The following DHX58 variants were observed in gnomAD, a reference collection of about 807,000 sequenced individuals.
DHX58 encodes DExH-box helicase 58, also known as ATP-dependent RNA helicase DHX58.
DHX58 carries 51 observed loss-of-function variants against 65.0 expected under a neutral mutation model. The observed-to-expected ratio is 0.78, with a 90% CI of 0.63 to 0.99. The LOEUF is 0.99. Among genes scored for constraint, DHX58 ranks in the 50% least tolerant of loss-of-function variants. The pLI is 0.00. For synonymous variants in DHX58, 350 were observed against 365.0 expected, an observed-to-expected ratio of 0.96 and a Z score of 0.47; for missense variants, 773 against 891.8, an observed-to-expected ratio of 0.87 and a Z score of 1.70.
chr17:42,103,227 T>A (rs540566705), intron 12 of DHX58: 100 of 237,854 alleles, frequency 4.2e-4, no homozygotes, highest in African/African-American at 2.3e-3. Flanking sequence ...ACATAATGAA[T>A]GGATGGAGGA....
chr17:42,107,735 T>C lies in DHX58; in HGVS notation c.866A>G (p.Asp289Gly). 6.2e-7 allele frequency: 1 copy of C among 1,605,876 alleles called. No homozygotes were observed. Among genetic ancestry groups the C allele is most frequent in the South Asian group, 1.1e-5 (1 of 89,610 alleles). ...VYALHLRRYN[D>G]ALLIHDTVRA... ...GACGGTGTCATGGATGAGCAGCGCG[T>C]CATTGTAGCGCCTCAGGTGAAGCGC... Residue 289 changes from aspartate to glycine, a missense_variant, in exon 8 of 14, where the codon GAC (aspartate) becomes GGC (glycine). Asp to Gly is a moderately conservative substitution (Grantham distance 94). Transcript: ENST00000251642.
Position 42,105,001 on chromosome 17 carries a change from G to A in DHX58, c.1401+17C>T, listed in dbSNP as rs782816831. 2.5e-6 allele frequency: 4 copies of A among 1,612,260 alleles called. No homozygotes were observed. Among genetic ancestry groups the A allele is most frequent in the South Asian group, 2.2e-5 (2 of 91,054 alleles). ...AGGATCCTATAAGGGCGGCTGAGTGGAGGAGGATGTGAGTACCTGGACCAT... is the reference window on the plus strand; with the variant it reads ...AGGATCCTATAAGGGCGGCTGAGTGAAGGAGGATGTGAGTACCTGGACCAT... On this transcript the variant is annotated intron_variant, in intron 10 of 13. Transcript: ENST00000251642.
Position 42,105,716 on chromosome 17 carries a change from T to G in DHX58, c.1251+20A>C. 1 of 1,533,374 alleles carries G rather than the reference T, an allele frequency of 6.5e-7. No individual in the cohort carries two copies. Among genetic ancestry groups the G allele is most frequent in the Non-Finnish European group, 8.8e-7 (1 of 1,142,678 alleles). 95.0% of individuals were successfully genotyped at this position (1,533,374 alleles called of 1,614,324 possible). On this transcript the variant is annotated intron_variant, in intron 9 of 13. Transcript: ENST00000251642. ...TATGGAATCCCTCCCAGCGCCAGCA[T>G]CTTTCCCCGAAGCCCACACCTGGGT...
intron 11 of DHX58, among the ~76,000 whole-genome samples, chr17:42,104,111 T>G (rs2054018014): frequency 6.6e-6 from 1 of 151,792 alleles, no homozygotes; most frequent in Admixed American, 6.6e-5. Context: ...TAATCCCAGC[T>G]ACTCGGGAGG....
Position 42,105,147 on chromosome 17 carries a change from G to A in DHX58, c.1272C>T (p.Ile424=). ...HMTQRDQQEV[I]QKFQDGTLNL... ...TCAGGGTTCCATCTTGGAACTTCTG[G>A]ATCACTTCTTGCTGGTCCCTCTGCA... The change falls in exon 10 of 14, where the codon ATC becomes ATT. Residue 424 remains isoleucine (I), a synonymous_variant. Transcript: ENST00000251642. 1 of 1,613,688 alleles carries A rather than the reference G, an allele frequency of 6.2e-7. No individual in the cohort carries two copies. Among genetic ancestry groups the A allele is most frequent in the South Asian group, 1.1e-5 (1 of 91,036 alleles).
Position 42,111,502 on chromosome 17 carries a change from G to T in DHX58, c.169-5C>A. 1 of 1,613,542 alleles carries T rather than the reference G, an allele frequency of 6.2e-7. No individual in the cohort carries two copies. The highest frequency in any genetic ancestry group is 8.5e-7 in the Non-Finnish European group (1 of 1,179,846). On this transcript the variant is annotated splice_polypyrimidine_tract_variant and splice_region_variant and intron_variant, in intron 3 of 13. Coordinates refer to ENST00000251642, the MANE Select transcript of DHX58 (RefSeq NM_024119.3). Reference sequence around the variant, plus strand: ...ATGCTGGGTCACCAGGTGCACCTGGGGGTGGAGAATGAGCTGGGAAAAGAG... The same window carrying T: ...ATGCTGGGTCACCAGGTGCACCTGGTGGTGGAGAATGAGCTGGGAAAAGAG...
chr17:42,111,542 C>A, intron 3 of DHX58, 45 bp from the exon 4 acceptor site: 1 of 1,607,652 alleles, frequency 6.2e-7, no homozygotes, highest in South Asian at 1.1e-5. Context: ...GAATCTGGGG[C>A]CAGGGGTAGG....
chr17:42,103,323 G>A (rs2054006002), intron 12 of DHX58: 1 of 452,826 alleles, frequency 2.2e-6, no homozygotes, highest in Non-Finnish European at 4.0e-6. Context: ...GAATAGGTAG[G>A]ACCAGAGGGT....
chr17:42,105,742 C>T lies in DHX58; in HGVS notation c.1245G>A (p.Met415Ile). ...GAGNSSQSTH[M>I]TQRDQQEVIQ... Reference sequence around the variant, plus strand: ...CTTTCCCCGAAGCCCACACCTGGGTCATGTGGGTGCTCTGGCTGCTGTTCC... The same window carrying T: ...CTTTCCCCGAAGCCCACACCTGGGTTATGTGGGTGCTCTGGCTGCTGTTCC... Residue 415 changes from methionine to isoleucine, a missense_variant, in exon 9 of 14, where the codon ATG (methionine) becomes ATA (isoleucine). Transcript: ENST00000251642. The T allele has an allele frequency of 1.9e-6, 3 of 1,575,680 alleles. No individual in the cohort carries two copies. Among genetic ancestry groups the T allele is most frequent in the Admixed American group, 1.8e-5 (1 of 55,318 alleles).
Position 42,105,976 on chromosome 17 carries a change from C to G in DHX58, c.1011G>C (p.Glu337Asp). 2 of 1,612,992 alleles carry G rather than the reference C, an allele frequency of 1.2e-6. No homozygotes were observed. Among genetic ancestry groups the G allele is most frequent in the South Asian group, 2.2e-5 (2 of 90,994 alleles). The change falls in exon 9 of 14, where the codon GAG (glutamate) becomes GAC (aspartate). Residue 337 changes from glutamate (E) to aspartate (D), a missense_variant. Glu to Asp is a conservative substitution (Grantham distance 45). Coordinates refer to ENST00000251642, the MANE Select transcript of DHX58 (RefSeq NM_024119.3). Reference sequence around the variant, plus strand: ...GGCCATGAGTTGCCAAGTGGGCCAGCTCATTCTTGCGGTCTGTCAAAAACC... The same window carrying G: ...GGCCATGAGTTGCCAAGTGGGCCAGGTCATTCTTGCGGTCTGTCAAAAACC... ...LLALFDDRKNELAHLATHGPE... is the reference protein window; with the variant it reads ...LLALFDDRKNDLAHLATHGPE...
rs1348293407 is a variant in DHX58 at position 42,108,109 on chromosome 17, C to T, written c.679-1G>A. On this transcript the variant is annotated splice_acceptor_variant, in intron 6 of 13. Coordinates refer to ENST00000251642, the MANE Select transcript of DHX58 (RefSeq NM_024119.3). LOFTEE classifies it high-confidence loss of function. ...TCTTCAGCAAGTCCCCAAACGGATC[C>T]TGAGCAAGAGGAGAGTTGGAGGGGA... The T allele has an allele frequency of 1.9e-6, 3 of 1,614,096 alleles. No individual in the cohort carries two copies. Among genetic ancestry groups the T allele is most frequent in the Non-Finnish European group, 1.7e-6 (2 of 1,180,048 alleles).
At chr17:42,109,180 A>C in intron 6 of DHX58, 90 bp downstream of exon 6, 1 of 1,068,232 alleles carries the variant, frequency 9.4e-7, no homozygotes, top group Non-Finnish European at 1.3e-6. Context: ...CTGAAGTCAC[A>C]GAGCTAGTGA....
chr17:42,105,120 G>GT lies in DHX58; in HGVS notation c.1298dup (p.Asn433LysfsTer30). ...CCGCCACACTCGTGGCCACCAGAAG[G>GT]TTCAGGGTTCCATCTTGGAACTTCT... On this transcript the variant is annotated frameshift_variant, in exon 10 of 14. Coordinates refer to ENST00000251642, the MANE Select transcript of DHX58 (RefSeq NM_024119.3). LOFTEE classifies it high-confidence loss of function. 1.2e-6 allele frequency: 2 copies of GT among 1,613,980 alleles called. No homozygotes were observed. Among genetic ancestry groups the GT allele is most frequent in the Non-Finnish European group, 1.7e-6 (2 of 1,179,974 alleles).
chr17:42,105,285 C>T, intron 9 of DHX58, 118 bp from the exon 10 acceptor site: 1 of 1,307,008 alleles, frequency 7.7e-7, no homozygotes, highest in Non-Finnish European at 1.0e-6. Flanking sequence ...GGTCCATCTC[C>T]CTAGAGTACT....
At chr17:42,107,488 T>C in intron 8 of DHX58, 116 bp downstream of exon 8, 1 of 1,197,336 alleles carries the variant, frequency 8.4e-7, no homozygotes, top group South Asian at 1.7e-5. Flanking sequence ...AAATAGGATC[T>C]CCACCAGTAT....
rs782305643 is a variant in DHX58 at position 42,105,725 on chromosome 17, G to GAAGCCC, written c.1251+5_1251+10dup. ...CCTCCCAGCGCCAGCATCTTTCCCC[G>GAAGCCC]AAGCCCACACCTGGGTCATGTGGGT... On this transcript the variant is annotated intron_variant, in intron 9 of 13. Coordinates refer to ENST00000251642, the MANE Select transcript of DHX58 (RefSeq NM_024119.3). 6.5e-7 allele frequency: 1 copy of GAAGCCC among 1,535,824 alleles called. No homozygotes were observed. The highest frequency in any genetic ancestry group is 8.7e-7 in the Non-Finnish European group (1 of 1,143,748).
In DHX58 at chr17:42,105,641, C is replaced by T. The variant is rs554389945; in HGVS notation, c.1251+95G>A. 3.4e-6 allele frequency: 5 copies of T among 1,480,516 alleles called. No homozygotes were observed. In the South Asian group the frequency reaches 7.0e-5, roughly 21 times the overall value. The allele number at this position is 1,480,516 out of a possible 1,614,324, so 91.7% of individuals were successfully genotyped here. On this transcript the variant is annotated intron_variant, in intron 9 of 13. Transcript: ENST00000251642. Reference sequence around the variant, plus strand: ...CAACTTTCTCTTTCCCCAGGGTCTCCCTGCCCCCACCTCTCTGTGCTGAAG... The same window carrying T: ...CAACTTTCTCTTTCCCCAGGGTCTCTCTGCCCCCACCTCTCTGTGCTGAAG...
chr17:42,111,285 A>G lies in DHX58; in HGVS notation c.370+11T>C. ...GATGCGTATCTTTTTCCTCCCGGCC[A>G]TGGCCCTCACCAGTGAGCTCCACGT... is the stretch of plus-strand genomic sequence containing the variant. On this transcript the variant is annotated intron_variant, in intron 4 of 13. Transcript: ENST00000251642. 6.2e-7 allele frequency: 1 copy of G among 1,606,814 alleles called. No individual in the cohort carries two copies. Among genetic ancestry groups the G allele is most frequent in the South Asian group, 1.1e-5 (1 of 90,974 alleles).
chr17:42,107,802 G>T lies in DHX58; in HGVS notation c.806-7C>A. 1 of 1,565,976 alleles carries T rather than the reference G, an allele frequency of 6.4e-7. No homozygotes were observed. Among genetic ancestry groups the T allele is most frequent in the Non-Finnish European group, 8.7e-7 (1 of 1,154,564 alleles). On this transcript the variant is annotated splice_polypyrimidine_tract_variant and splice_region_variant and intron_variant, in intron 7 of 13. Transcript: ENST00000251642. The stretch of plus-strand genomic sequence containing the variant: ...TGAAGCCCAGCCAAAGCCGCTGCGG[G>T]AAGAGGGCGCAGGGTCTGAGCAGCC...
Sources: allele counts gnomAD v4.1 joint callset (sites outside exome capture counted in the v4.1 genomes callset), GRCh38; gene constraint gnomAD v4.1.1; transcripts MANE v1.5; gene names NCBI Gene and HGNC (gene_info 2026-07-23, HGNC 2026-07-21).